The following PIAS2 variants were observed in gnomAD, a reference collection of about 807,000 sequenced individuals.
PIAS2 encodes E3 SUMO-protein ligase PIAS2.
Under a neutral mutation model 69.7 loss-of-function variants are expected in PIAS2, and 19 were observed. The ratio of observed to expected loss-of-function variants is 0.27; its 90% CI spans 0.19 to 0.40. The LOEUF (loss-of-function observed/expected upper bound fraction) is 0.40, where lower values mean the gene tolerates loss of function less well. Among genes scored for constraint, PIAS2 ranks in the 10% least tolerant of loss-of-function variants. The pLI, the probability that PIAS2 is intolerant of heterozygous loss-of-function variation, is 1.00. For synonymous variants in PIAS2, 261 were observed against 263.2 expected (o/e 0.99, Z 0.08); for missense variants, 624 against 757.0 (o/e 0.82, Z 2.06).
chr18:46,910,587 G>C (rs373075885), intron 1 of PIAS2, among the ~76,000 whole-genome samples: 17 of 152,218 alleles, frequency 1.1e-4, no homozygotes, highest in African/African-American at 2.9e-4. Context: ...AAAGAAAAAT[G>C]AAAGATGATA....
chr18:46,917,153 C>A, intron 1 of PIAS2, 169 bp downstream of exon 1: 1 of 1,068,712 alleles, frequency 9.4e-7, no homozygotes. Flanking sequence ...CCTCCGCCGG[C>A]CCGCTCCCCT....
chr18:46,855,045 T>C (rs997048764), intron 5 of PIAS2, among the ~76,000 whole-genome samples: 1 of 147,536 alleles, frequency 6.8e-6, no homozygotes, highest in East Asian at 2.0e-4. Context: ...GGTAGGAGGA[T>C]TGCTTGAGCC....
intron 2 of PIAS2, among the ~76,000 whole-genome samples, chr18:46,881,208 G>A (rs1375252787): frequency 3.3e-5 from 5 of 152,024 alleles, no homozygotes; most frequent in South Asian, 2.1e-4. Flanking sequence ...GCTCACCAAC[G>A]TCCTATCTCT....
In PIAS2 at chr18:46,808,761, T is replaced by G. The variant is rs1035682780; in HGVS notation, c.*3672A>C. ...ACATTCCATGAAAATGAAGAAAATC[T>G]TTCAGGAAAAATTAAGAAAATAAAA... On this transcript the variant is annotated 3_prime_UTR_variant, in exon 14 of 14. Coordinates refer to ENST00000585916, the MANE Select transcript of PIAS2 (RefSeq NM_004671.5). The G allele has an allele frequency of 3.3e-5, 5 of 151,726 alleles. No individual in the cohort carries two copies. Among genetic ancestry groups the G allele is most frequent in the Non-Finnish European group, 7.4e-5 (5 of 67,970 alleles). 9.4% of individuals were successfully genotyped at this position (151,726 alleles called of 1,614,324 possible).
intron 1 of PIAS2, among the ~76,000 whole-genome samples, chr18:46,910,535 G>C (rs932057800): frequency 4.6e-5 from 7 of 151,902 alleles, no homozygotes; most frequent in African/African-American, 1.7e-4. Flanking sequence ...AGAAATTCAA[G>C]GTATTTCCCC....
chr18:46,820,717 T>C (rs910870621), intron 12 of PIAS2, among the ~76,000 whole-genome samples: 1 of 152,142 alleles, frequency 6.6e-6, no homozygotes, highest in African/African-American at 2.4e-5. Flanking sequence ...TTTCCTATTC[T>C]ACTATATTTC....
rs1307190409 is a variant in PIAS2, at chr18:46,917,392, CCGCTGCCGCCAACGA to C, written c.-62_-48del. 2.7e-5 allele frequency: 39 copies of C among 1,439,100 alleles called. 1 individual carries two copies. The highest frequency in any genetic ancestry group is 6.4e-5 in the East Asian group (2 of 31,262). 89.1% of individuals were successfully genotyped at this position (1,439,100 alleles called of 1,614,324 possible). ...GCCGCCGCTGCCGCCGCACCCACTC[CCGCTGCCGCCAACGA>C]CGCTGCCGCCACCACGGCCGCCGCC... On this transcript the variant is annotated 5_prime_UTR_variant, in exon 1 of 14. Coordinates refer to ENST00000585916, the MANE Select transcript of PIAS2 (RefSeq NM_004671.5).
chr18:46,836,389 T>C lies in PIAS2; in HGVS notation c.1170A>G (p.Lys390=). The C allele has an allele frequency of 6.2e-7, 1 of 1,614,054 alleles. No individual in the cohort carries two copies. Among genetic ancestry groups the C allele is most frequent in the Non-Finnish European group, 8.5e-7 (1 of 1,179,920 alleles). Residue 390 remains lysine (K), a synonymous_variant, in exon 9 of 14, where the codon AAA becomes AAG. Coordinates refer to ENST00000585916, the MANE Select transcript of PIAS2 (RefSeq NM_004671.5). Reference sequence around the variant, plus strand: ...ATATTAGACTTTCATAGGCAGCTTTTTTGTCACACACAGGACAAATCCAGG... The same window carrying C: ...ATATTAGACTTTCATAGGCAGCTTTCTTGTCACACACAGGACAAATCCAGG... ...KPTWICPVCD[K]KAAYESLILD...
At chr18:46,901,572 T>C (rs1466309836) in intron 1 of PIAS2, among the ~76,000 whole-genome samples, 3 of 152,354 alleles carry the variant, frequency 2.0e-5, no homozygotes, top group South Asian at 4.1e-4. Context: ...CAAGACTGGT[T>C]CATTATATGC....
At chr18:46,892,295 A>G (rs1341533163) in intron 1 of PIAS2, among the ~76,000 whole-genome samples, 1 of 152,216 alleles carries the variant, frequency 6.6e-6, no homozygotes, top group Non-Finnish European at 1.5e-5. Flanking sequence ...TAAATATGCC[A>G]AAGTAATCCA....
At chr18:46,919,122 A>C (rs942573742), upstream of PIAS2, among the ~76,000 whole-genome samples, 2 of 151,634 alleles carry the variant, frequency 1.3e-5, no homozygotes, top group African/African-American at 4.8e-5. Flanking sequence ...AAGCCGAGGC[A>C]GGTGGATCAC....
At chr18:46,917,593 C>A (rs971982349), upstream of PIAS2, 4 of 1,036,716 alleles carry the variant, frequency 3.9e-6, no homozygotes, top group East Asian at 1.6e-4. Flanking sequence ...GCCTTCCGCC[C>A]GCGCCTTCAG....
rs548449558 is a variant in PIAS2, at chr18:46,808,482, G to C, written c.*3951C>G. 1.4e-4 allele frequency: 21 copies of C among 152,244 alleles called. No individual in the cohort carries two copies. Among genetic ancestry groups the C allele is most frequent in the African/African-American group, 5.1e-4 (21 of 41,538 alleles). The allele number at this position is 152,244 out of a possible 1,614,324, so 9.4% of individuals were successfully genotyped here. Reference sequence around the variant, plus strand: ...GGGGTGAGGGGGGTGTTACAAACCAGTCACTAGGCAGGAACATTAGACTCC... The same window carrying C: ...GGGGTGAGGGGGGTGTTACAAACCACTCACTAGGCAGGAACATTAGACTCC... On this transcript the variant is annotated 3_prime_UTR_variant, in exon 14 of 14. Coordinates refer to ENST00000585916, the MANE Select transcript of PIAS2 (RefSeq NM_004671.5).
intron 5 of PIAS2, among the ~76,000 whole-genome samples, chr18:46,847,648 A>C (rs1430215136): frequency 1.3e-5 from 2 of 151,906 alleles, no homozygotes; most frequent in Non-Finnish European, 2.9e-5. Context: ...CATCCGGCTA[A>C]TTTTTTTGTA....
intron 5 of PIAS2, among the ~76,000 whole-genome samples, chr18:46,847,538 G>C (rs1407642096): frequency 1.3e-5 from 2 of 149,364 alleles, no homozygotes; most frequent in Non-Finnish European, 3.0e-5. Flanking sequence ...CTGGAGTACA[G>C]TGGCGCGAAC....
intron 2 of PIAS2, among the ~76,000 whole-genome samples, chr18:46,884,378 T>C (rs1342490403): frequency 3.9e-5 from 6 of 151,942 alleles, no homozygotes; most frequent in African/African-American, 1.4e-4. Context: ...AGTGGCTCGA[T>C]CTAGGCTCAC....
intron 1 of PIAS2, among the ~76,000 whole-genome samples, chr18:46,897,196 G>A (rs2055026083): frequency 6.6e-6 from 1 of 152,156 alleles, no homozygotes; most frequent in South Asian, 2.1e-4. Flanking sequence ...AAAACTGTTA[G>A]TCTGTTTGAA....
chr18:46,816,096 C>T (rs2041499980), intron 12 of PIAS2: 2 of 984,984 alleles, frequency 2.0e-6, no homozygotes, highest in Non-Finnish European at 1.2e-6. Context: ...CTAGACCTCC[C>T]TGTGTGACTA....
intron 2 of PIAS2, among the ~76,000 whole-genome samples, chr18:46,889,857 A>C (rs55710513): frequency 2.6e-5 from 4 of 152,230 alleles, no homozygotes; most frequent in Non-Finnish European, 5.9e-5. Context: ...GTGGTATCCT[A>C]TAACACAGAA....
Sources: gnomAD v4.1 joint callset for allele counts (sites outside exome capture counted in the v4.1 genomes callset) on GRCh38, gnomAD v4.1.1 for gene constraint, MANE v1.5 for transcripts, NCBI Gene and HGNC (gene_info 2026-07-23, HGNC 2026-07-21) for gene names.